The following BSN variants were observed in gnomAD, a reference collection of about 807,000 sequenced individuals.
BSN encodes the protein protein bassoon.
In BSN, 57 loss-of-function variants were observed where a neutral mutation model predicts 264.8. The ratio of observed to expected loss-of-function variants is 0.22; its 90% CI spans 0.17 to 0.27. BSN has a LOEUF of 0.27. Ranked by LOEUF, BSN falls within the 10% of genes least tolerant of loss-of-function variation. The probability of loss-of-function intolerance (pLI) is 1.00; values close to 1 mark genes in which losing one functional copy is unlikely to be tolerated. For missense variants in BSN, 4,615 were observed against 5,232.5 expected (o/e 0.88, Z 3.64); for synonymous variants, 2,059 against 2,137.3 (o/e 0.96, Z 1.01).
At position 49,655,863 on chromosome 3, in the gene BSN, G is replaced by A. The variant is rs374754262; in HGVS notation, c.6307G>A (p.Ala2103Thr). The change falls in exon 5 of 12, where the codon GCT (alanine) becomes ACT (threonine). Residue 2103 changes from alanine (A) to threonine (T), a missense_variant. Coordinates refer to ENST00000296452, the MANE Select transcript of BSN (RefSeq NM_003458.4). ...AGCCCGTGAAATCAGTCGCATGTGCGCTGCCCTCAACTCCATGGACCAGTA... is the reference window on the plus strand; with the variant it reads ...AGCCCGTGAAATCAGTCGCATGTGCACTGCCCTCAACTCCATGGACCAGTA... ...TTAREISRMC[A>T]ALNSMDQYGG... is the part of the protein sequence containing the mutation. The A allele has an allele frequency of 4.2e-5, 68 of 1,612,998 alleles. No individual in the cohort carries two copies. The highest frequency in any genetic ancestry group is 5.7e-5 in the Non-Finnish European group (67 of 1,179,996).
At chr3:49,608,358 AC>A (rs1224041983) in intron 1 of BSN, among the ~76,000 whole-genome samples, 1 of 152,226 alleles carries the variant, frequency 6.6e-6, no homozygotes, top group Non-Finnish European at 1.5e-5. Flanking sequence ...AACCATGGAC[AC>A]GGTAATGTCA....
chr3:49,620,201 C>T (rs1575439769), intron 1 of BSN, among the ~76,000 whole-genome samples: 1 of 151,960 alleles, frequency 6.6e-6, no homozygotes, highest in African/African-American at 2.4e-5. Flanking sequence ...CCGAGGCGGG[C>T]GGATCACAAG....
intron 1 of BSN, among the ~76,000 whole-genome samples, chr3:49,587,096 A>T (rs972347729): frequency 1.3e-5 from 2 of 152,058 alleles, no homozygotes; most frequent in African/African-American, 4.8e-5. Context: ...TCAGTGTTTC[A>T]TAGTTTTCCT....
chr3:49,625,856 G>A lies in BSN; in HGVS notation c.633+473G>A, dbSNP rs78206646. Among the ~76,000 whole-genome samples, 1,759 of 152,302 alleles carry A rather than the reference G, an allele frequency of 0.012. 37 individuals carry two copies. The highest frequency in any genetic ancestry group is 0.039 in the African/African-American group (1,626 of 41,562). ...GGGGAGAAAAGTTTCAGGGGAGGCA[G>A]GAAACTGCCTTCCAGCTGGGCTCTG... On this transcript the variant is annotated intron_variant, in intron 2 of 11. Coordinates refer to ENST00000296452, the MANE Select transcript of BSN (RefSeq NM_003458.4). The surrounding 1 kb of genome is among the most constrained non-coding windows in gnomAD (Gnocchi z 4.4).
At chr3:49,609,163 G>A (rs2052183316) in intron 1 of BSN, among the ~76,000 whole-genome samples, 2 of 147,502 alleles carry the variant, frequency 1.4e-5, no homozygotes, top group South Asian at 2.1e-4. Flanking sequence ...GCACAGTGGT[G>A]CAATCATAGC....
Position 49,656,796 on chromosome 3 carries a change from C to T in BSN, c.7240C>T (p.Arg2414Trp), listed in dbSNP as rs1348659653. Residue 2414 changes from arginine to tryptophan, a missense_variant, in exon 5 of 12, where the codon CGG becomes TGG. Physicochemically the swap from Arg to Trp is moderately radical, Grantham distance 101. This residue lies in a region of BSN where 3,415 missense variants were observed against 3,866.4 expected (regional missense o/e 0.88). Transcript: ENST00000296452. ...TGAGGAGGAGCAGCTGCTGGTGCAG[C>T]GGGAGTTGCAGGAGCTGCAGACCAT... is the stretch of plus-strand genomic sequence containing the variant. ...HREEEQLLVQ[R>W]ELQELQTIKH... 16 of 1,590,150 alleles carry T rather than the reference C, an allele frequency of 1.0e-5. No individual in the cohort carries two copies. In the East Asian group the frequency reaches 1.1e-4, roughly 11 times the overall value.
intron 5 of BSN, among the ~76,000 whole-genome samples, chr3:49,658,569 T>C (rs1324819325): frequency 6.6e-6 from 1 of 152,138 alleles, no homozygotes; most frequent in Non-Finnish European, 1.5e-5. Context: ...AAACTTAATC[T>C]ATGGGTGTTT....
intron 2 of BSN, chr3:49,640,562 A>G (rs906693199): frequency 2.0e-5 from 3 of 152,166 alleles, no homozygotes; most frequent in Admixed American, 6.5e-5. Flanking sequence ...GCAGCGGCAC[A>G]GTCTTGGCTT....
At chr3:49,673,077 C>A (rs1391139724), downstream of BSN, among the ~76,000 whole-genome samples, 1 of 48,336 alleles carries the variant, frequency 2.1e-5, no homozygotes, top group East Asian at 9.7e-4. Flanking sequence ...CCGCGCCCGG[C>A]CGGCCGGGAC....
rs1483942302 is a variant in BSN, at chr3:49,592,987, GCAGTTCCAAGC to G, written c.225-31987_225-31977del. ...TCTATGACCACAGTCAAGATACTGAGCAGTTCCAAGCACAGGGATCCTTTGTGTTGTCTTTT... is the reference window on the plus strand; with the variant it reads ...TCTATGACCACAGTCAAGATACTGAGACAGGGATCCTTTGTGTTGTCTTTT... On this transcript the variant is annotated intron_variant, in intron 1 of 11. Coordinates refer to ENST00000296452, the MANE Select transcript of BSN (RefSeq NM_003458.4). Among the ~76,000 whole-genome samples, 13 of 152,232 alleles carry G rather than the reference GCAGTTCCAAGC, an allele frequency of 8.5e-5. No homozygotes were observed. In the South Asian group the frequency reaches 2.5e-3, roughly 29 times the overall value.
At chr3:49,587,990 C>T (rs1302121370) in intron 1 of BSN, among the ~76,000 whole-genome samples, 1 of 149,540 alleles carries the variant, frequency 6.7e-6, no homozygotes, top group Non-Finnish European at 1.5e-5. Context: ...GGCGCAATCT[C>T]GGCTAACTGC....
At chr3:49,582,381 C>T (rs2051901260) in intron 1 of BSN, among the ~76,000 whole-genome samples, 1 of 152,148 alleles carries the variant, frequency 6.6e-6, no homozygotes, top group Non-Finnish European at 1.5e-5. Context: ...GCAGTCATAA[C>T]ACACTACAGG....
At chr3:49,576,928 C>T (rs1464252779) in intron 1 of BSN, among the ~76,000 whole-genome samples, 3 of 152,126 alleles carry the variant, frequency 2.0e-5, no homozygotes, top group African/African-American at 7.2e-5. Context: ...TTCAGAGACT[C>T]AACCCCAATC....
rs921343821 is a variant in BSN, at chr3:49,664,951, A to C, written c.*14+98A>C. 16 of 912,646 alleles carry C rather than the reference A, an allele frequency of 1.8e-5. No homozygotes were observed. The Admixed American group carries it at 3.0e-4, about 17-fold the overall frequency. The allele number at this position is 912,646 out of a possible 1,614,324, so 56.5% of individuals were successfully genotyped here. A position where few individuals can be genotyped will look rare whatever the true frequency, so the allele number is the denominator to read the frequency against. ...AAGTCCGAAGGGGTCCTCTGGGAGG[A>C]GTCCAGTCTTCGGCTGGTTCAGTAC... On this transcript the variant is annotated intron_variant, in intron 10 of 11. Coordinates refer to ENST00000296452, the MANE Select transcript of BSN (RefSeq NM_003458.4).
intron 1 of BSN, among the ~76,000 whole-genome samples, chr3:49,607,494 G>T (rs2052163862): frequency 6.6e-6 from 1 of 152,188 alleles, no homozygotes. Context: ...AACGTGCCAT[G>T]TAGGGTGTGA....
intron 1 of BSN, among the ~76,000 whole-genome samples, chr3:49,599,647 C>G (rs920070805): frequency 6.6e-6 from 1 of 152,164 alleles, no homozygotes; most frequent in Admixed American, 6.5e-5. Context: ...GCTGTATGCC[C>G]TTAGGACAAT....
rs1298644943 is a variant in BSN, at chr3:49,585,545, T to G, written c.224+30719T>G. On this transcript the variant is annotated intron_variant, in intron 1 of 11. Coordinates refer to ENST00000296452, the MANE Select transcript of BSN (RefSeq NM_003458.4). This position sits in a 1 kb window ranked among gnomAD's most constrained non-coding sequence, Gnocchi z 4.7. ...TGTGCACTGGCCACACATCCTTGCCTCCTCCACCCGGTCCGCCGCCGGTTT... is the reference window on the plus strand; with the variant it reads ...TGTGCACTGGCCACACATCCTTGCCGCCTCCACCCGGTCCGCCGCCGGTTT... 6.6e-6 allele frequency among the ~76,000 whole-genome samples: 1 copy of G among 152,192 alleles called. No individual in the cohort carries two copies. The highest frequency in any genetic ancestry group is 1.9e-4 in the East Asian group (1 of 5,192).
chr3:49,649,477 G>A (rs1289969254), intron 3 of BSN, among the ~76,000 whole-genome samples: 1 of 152,182 alleles, frequency 6.6e-6, no homozygotes. Flanking sequence ...TCCCATGTGG[G>A]CCAGAGAAGG....
intron 1 of BSN, among the ~76,000 whole-genome samples, chr3:49,606,197 C>A (rs865963212): frequency 9.8e-5 from 4 of 40,832 alleles, no homozygotes; most frequent in Admixed American, 3.6e-4. Context: ...ATTATATATA[C>A]ATATATTATA....
Sources: gnomAD v4.1 joint callset for allele counts (sites outside exome capture counted in the v4.1 genomes callset) on GRCh38, gnomAD v4.1.1 for gene constraint, gnomAD v4.1.1 regional missense constraint, Gnocchi (gnomAD v3.1) non-coding constraint, MANE v1.5 for transcripts, NCBI Gene and HGNC (gene_info 2026-07-23, HGNC 2026-07-21) for gene names.